The following SLC9A9 variants were observed in gnomAD, a reference collection of about 807,000 sequenced individuals.
SLC9A9 encodes the protein sodium/hydrogen exchanger 9.
SLC9A9 carries 62 observed loss-of-function variants against 77.8 expected under a neutral mutation model. The observed-to-expected ratio is 0.80, with a 90% CI of 0.65 to 0.98. SLC9A9 has a LOEUF of 0.98. Ranked by LOEUF, SLC9A9 falls within the 50% of genes least tolerant of loss-of-function variation. SLC9A9 has a pLI of 0.00. For synonymous variants in SLC9A9, 320 were observed against 283.5 expected (o/e 1.13, Z -1.29); for missense variants, 775 against 774.9 (o/e 1.00, Z 0.00).
intron 12 of SLC9A9, among the ~76,000 whole-genome samples, chr3:143,406,124 C>T (rs767054826): frequency 2.0e-5 from 3 of 152,124 alleles, no homozygotes; most frequent in Non-Finnish European, 4.4e-5. Flanking sequence ...CCTCTTAACA[C>T]TCAGGGTACT....
At chr3:143,595,978 A>G (rs1455107990) in intron 6 of SLC9A9, among the ~76,000 whole-genome samples, 4 of 152,110 alleles carry the variant, frequency 2.6e-5, no homozygotes, top group African/African-American at 9.7e-5. Flanking sequence ...TGAGGGGGGA[A>G]TGTTTTTATG....
intron 6 of SLC9A9, among the ~76,000 whole-genome samples, chr3:143,608,909 G>C (rs2037972980): frequency 6.6e-6 from 1 of 152,132 alleles, no homozygotes; most frequent in Admixed American, 6.5e-5. Flanking sequence ...AAGAATCTGA[G>C]TGATGAGTGC....
intron 12 of SLC9A9, among the ~76,000 whole-genome samples, chr3:143,404,548 G>C (rs1040286249): frequency 6.6e-6 from 1 of 151,920 alleles, no homozygotes; most frequent in Non-Finnish European, 1.5e-5. Context: ...CCGCATCTGT[G>C]CCCCCTCAAA....
At chr3:143,423,867 G>T (rs1353255747) in intron 12 of SLC9A9, among the ~76,000 whole-genome samples, 1 of 152,204 alleles carries the variant, frequency 6.6e-6, no homozygotes, top group Admixed American at 6.5e-5. Flanking sequence ...GTGACAAGAA[G>T]AATGCAGCAC....
intron 6 of SLC9A9, among the ~76,000 whole-genome samples, chr3:143,595,383 G>C (rs545384081): frequency 6.6e-6 from 1 of 152,276 alleles, no homozygotes; most frequent in South Asian, 2.1e-4. Flanking sequence ...ATCTGCTGAG[G>C]CTACCTTATC....
At chr3:143,520,346 C>T (rs2108612918) in intron 9 of SLC9A9, among the ~76,000 whole-genome samples, 1 of 152,232 alleles carries the variant, frequency 6.6e-6, no homozygotes, top group Non-Finnish European at 1.5e-5. Flanking sequence ...AGAGACCTGT[C>T]CTCTGTCCAT....
intron 9 of SLC9A9, among the ~76,000 whole-genome samples, chr3:143,498,230 A>T (rs2035869968): frequency 6.6e-6 from 1 of 152,210 alleles, no homozygotes; most frequent in Admixed American, 6.5e-5. Flanking sequence ...TTCTGCTGTC[A>T]ATACTACACT....
chr3:143,711,119 C>T (rs909998261), intron 4 of SLC9A9, among the ~76,000 whole-genome samples: 1 of 152,146 alleles, frequency 6.6e-6, no homozygotes, highest in African/African-American at 2.4e-5. Context: ...CAATTCCTTG[C>T]CCTGATTCTT....
chr3:143,763,816 C>T (rs2007215907), intron 4 of SLC9A9, among the ~76,000 whole-genome samples: 1 of 151,768 alleles, frequency 6.6e-6, no homozygotes, highest in Non-Finnish European at 1.5e-5. Context: ...TGTAAAATCT[C>T]TTAGTCCTGG....
chr3:143,399,945 T>C (rs2033813612), intron 12 of SLC9A9, among the ~76,000 whole-genome samples: 1 of 152,174 alleles, frequency 6.6e-6, no homozygotes, highest in South Asian at 2.1e-4. Flanking sequence ...ACATGAAAAA[T>C]TTGTTACACT....
At chr3:143,427,037 G>A in intron 12 of SLC9A9, among the ~76,000 whole-genome samples, 1 of 152,164 alleles carries the variant, frequency 6.6e-6, no homozygotes. Context: ...TTAAAGCAAG[G>A]CCCAATCAAT....
chr3:143,720,633 A>C (rs1391280179), intron 4 of SLC9A9, among the ~76,000 whole-genome samples: 2 of 152,082 alleles, frequency 1.3e-5, no homozygotes, highest in East Asian at 3.9e-4. Flanking sequence ...ACCCTTTATA[A>C]TTGCAAAGAG....
chr3:143,551,586 T>C (rs2036885650), intron 9 of SLC9A9, among the ~76,000 whole-genome samples: 1 of 152,208 alleles, frequency 6.6e-6, no homozygotes. Flanking sequence ...TATTTCAAGC[T>C]CCAGGTTGGG....
intron 9 of SLC9A9, among the ~76,000 whole-genome samples, chr3:143,501,993 A>C (rs560418986): frequency 6.6e-6 from 1 of 150,988 alleles, no homozygotes; most frequent in African/African-American, 2.5e-5. Flanking sequence ...TTTTGGATAA[A>C]ATTTTAAAAA....
chr3:143,606,434 C>CTATATATATATATATATATA (rs1427549304), intron 6 of SLC9A9, among the ~76,000 whole-genome samples: 13 of 52,944 alleles, frequency 2.5e-4, no homozygotes, highest in Non-Finnish European at 2.7e-4. Flanking sequence ...CTCTCTCTCT[C>CTATATATATATATATATATA]TCTATATATA....
chr3:143,314,662 A>C (rs2031140452), intron 14 of SLC9A9, among the ~76,000 whole-genome samples: 1 of 152,216 alleles, frequency 6.6e-6, no homozygotes, highest in Non-Finnish European at 1.5e-5. Context: ...GCCTCTCCCC[A>C]CTGGCCAGCC....
rs111361019 is a variant in SLC9A9 at position 143,835,424 on chromosome 3, T to C, written c.176-3203A>G. ...AAAACCCATGCACTCATTTGTGCAC[T>C]CTTGCTGCAGCAGCGGCAGCTGGAA... On this transcript the variant is annotated intron_variant, in intron 1 of 15. Coordinates refer to ENST00000316549, the MANE Select transcript of SLC9A9 (RefSeq NM_173653.4). Among the ~76,000 whole-genome samples the C allele has an allele frequency of 3.7e-3, 567 of 152,352 alleles. 5 individuals carry two copies. The highest frequency in any genetic ancestry group is 0.013 in the African/African-American group (545 of 41,588).
Position 143,787,490 on chromosome 3 carries a change from A to G in SLC9A9, c.533+7511T>C, listed in dbSNP as rs373225054. On this transcript the variant is annotated intron_variant, in intron 4 of 15. Coordinates refer to ENST00000316549, the MANE Select transcript of SLC9A9 (RefSeq NM_173653.4). ...CCTTTACACCTCCATACATGCTTGC[A>G]TGCTTAAACAAAATTGTTTTTTCTT... Among the ~76,000 whole-genome samples the G allele has an allele frequency of 6.8e-4, 104 of 152,322 alleles. No homozygotes were observed. In the South Asian group the frequency reaches 0.015, roughly 22 times the overall value.
chr3:143,686,734 A>G (rs1933283042), intron 5 of SLC9A9, among the ~76,000 whole-genome samples: 1 of 152,206 alleles, frequency 6.6e-6, no homozygotes, highest in African/African-American at 2.4e-5. Context: ...AGACCCCAAG[A>G]CAGCAATGAA....
Sources: allele counts gnomAD v4.1 joint callset (sites outside exome capture counted in the v4.1 genomes callset), GRCh38; gene constraint gnomAD v4.1.1; transcripts MANE v1.5; gene names NCBI Gene and HGNC (gene_info 2026-07-23, HGNC 2026-07-21).